The following DNMBP variants were observed in gnomAD, a reference collection of about 807,000 sequenced individuals.
The protein encoded by DNMBP is dynamin-binding protein.
Under a neutral mutation model 150.0 loss-of-function variants are expected in DNMBP, and 87 were observed. The ratio of observed to expected loss-of-function variants is 0.58; its 90% CI spans 0.49 to 0.69. DNMBP has a LOEUF of 0.69. Among genes scored for constraint, DNMBP ranks in the 30% least tolerant of loss-of-function variants. DNMBP has a pLI of 0.00. For missense variants in DNMBP, 1,774 were observed against 1,949.0 expected, an observed-to-expected ratio of 0.91 and a Z score of 1.69; for synonymous variants, 711 against 750.4, an observed-to-expected ratio of 0.95 and a Z score of 0.86.
intron 3 of DNMBP, among the ~76,000 whole-genome samples, chr10:99,966,493 C>T (rs1243125998): frequency 6.6e-6 from 1 of 152,170 alleles, no homozygotes; most frequent in African/African-American, 2.4e-5. Flanking sequence ...TCTCGGATGG[C>T]ATGCTTCCTA....
intron 3 of DNMBP, among the ~76,000 whole-genome samples, chr10:99,966,773 TCGTTAATA>T (rs2040623262): frequency 6.6e-6 from 1 of 151,976 alleles, no homozygotes; most frequent in African/African-American, 2.4e-5. Flanking sequence ...GCGTTTTCTC[TCGTTAATA>T]CGTTTTGTTT....
intron 1 of DNMBP, among the ~76,000 whole-genome samples, chr10:99,978,873 C>A (rs1374064057): frequency 6.6e-6 from 1 of 152,132 alleles, no homozygotes; most frequent in Non-Finnish European, 1.5e-5. Flanking sequence ...CCACGCCTGG[C>A]CAGCAGTTTT....
At chr10:99,922,914 T>C (rs2040039650) in intron 4 of DNMBP, among the ~76,000 whole-genome samples, 1 of 152,208 alleles carries the variant, frequency 6.6e-6, no homozygotes, top group African/African-American at 2.4e-5. Context: ...CCATTTATCT[T>C]CAAACATTTT....
intron 6 of DNMBP, among the ~76,000 whole-genome samples, chr10:99,904,712 C>G (rs1203149844): frequency 1.3e-5 from 2 of 152,190 alleles, no homozygotes; most frequent in African/African-American, 4.8e-5. Context: ...CTCTGTGTGT[C>G]TTCAACACAT....
chr10:99,975,097 T>G (rs1455836828), intron 1 of DNMBP, among the ~76,000 whole-genome samples: 1 of 152,148 alleles, frequency 6.6e-6, no homozygotes, highest in South Asian at 2.1e-4. Flanking sequence ...CGGTGGCTCA[T>G]GCCTGTAATC....
intron 1 of DNMBP, among the ~76,000 whole-genome samples, chr10:99,990,548 C>T (rs1292556096): frequency 1.4e-5 from 2 of 142,678 alleles, no homozygotes; most frequent in Admixed American, 1.4e-4. Context: ...CAGATCCTGT[C>T]TCAAAAAAAA....
chr10:99,976,696 C>T (rs188991116), intron 1 of DNMBP, among the ~76,000 whole-genome samples: 5 of 152,208 alleles, frequency 3.3e-5, no homozygotes, highest in African/African-American at 1.2e-4. Context: ...TGCACTGAGG[C>T]CCCTTTCTTA....
intron 4 of DNMBP, among the ~76,000 whole-genome samples, chr10:99,944,732 C>G (rs542972064): frequency 2.3e-4 from 35 of 152,244 alleles, no homozygotes; most frequent in African/African-American, 7.9e-4. Flanking sequence ...CCCCAACACA[C>G]AGCAATCATA....
chr10:99,917,770 C>G (rs1201846364), intron 4 of DNMBP, among the ~76,000 whole-genome samples: 1 of 151,716 alleles, frequency 6.6e-6, no homozygotes, highest in African/African-American at 2.4e-5. Context: ...TCGAGACCAG[C>G]CTGGCCAACA....
At position 99,877,100 on chromosome 10, in the gene DNMBP, TCGGCGG is replaced by T; in HGVS notation, c.*45_*50del. ...CCCTCTCGGTGGGCCGCCAGAACCC[TCGGCGG>T]ACTGAAAGCAAAGGCAGCAAGGCTG... On this transcript the variant is annotated 3_prime_UTR_variant, in exon 17 of 17. Transcript: ENST00000324109. The T allele has an allele frequency of 7.3e-7, 1 of 1,370,670 alleles. No individual in the cohort carries two copies. Among genetic ancestry groups the T allele is most frequent in the Non-Finnish European group, 9.5e-7 (1 of 1,047,558 alleles). The allele number at this position is 1,370,670 out of a possible 1,614,324, so 84.9% of individuals were successfully genotyped here.
At chr10:99,996,123 T>A (rs1441928078) in intron 1 of DNMBP, among the ~76,000 whole-genome samples, 1 of 152,210 alleles carries the variant, frequency 6.6e-6, no homozygotes, top group Non-Finnish European at 1.5e-5. Flanking sequence ...TGAATAATAA[T>A]TATATTTTAA....
At chr10:99,930,065 T>G in intron 4 of DNMBP, 2 of 702,982 alleles carry the variant, frequency 2.8e-6, no homozygotes, top group Middle Eastern at 4.6e-4. Flanking sequence ...CTTCATGGTA[T>G]TTGATAAATT....
chr10:99,983,269 C>A (rs2040797465), intron 1 of DNMBP, among the ~76,000 whole-genome samples: 1 of 152,162 alleles, frequency 6.6e-6, no homozygotes, highest in African/African-American at 2.4e-5. Flanking sequence ...GAATATCTAA[C>A]CTTAAAAGCA....
At chr10:100,002,422 C>A (rs895980239) in intron 1 of DNMBP, among the ~76,000 whole-genome samples, 1 of 152,108 alleles carries the variant, frequency 6.6e-6, no homozygotes, top group Non-Finnish European at 1.5e-5. Flanking sequence ...GCTCTACTGA[C>A]GAGCCACCTC....
At chr10:99,966,342 G>A (rs1486007982) in intron 3 of DNMBP, among the ~76,000 whole-genome samples, 2 of 152,122 alleles carry the variant, frequency 1.3e-5, no homozygotes. Context: ...CTCTTCCTTT[G>A]GATTCCACTT....
At chr10:99,930,813 G>A (rs774946230) in intron 4 of DNMBP, 1 of 616,230 alleles carries the variant, frequency 1.6e-6, no homozygotes, top group Non-Finnish European at 2.9e-6. Flanking sequence ...CCATGGGCCT[G>A]GGCTGGGCTG....
chr10:100,008,320 A>G (rs1035727589), intron 1 of DNMBP, among the ~76,000 whole-genome samples: 1 of 152,258 alleles, frequency 6.6e-6, no homozygotes, highest in African/African-American at 2.4e-5. Context: ...TGAACACTGT[A>G]TAAAAGTCAA....
intron 3 of DNMBP, among the ~76,000 whole-genome samples, chr10:99,964,672 AC>A (rs2040601074): frequency 6.6e-6 from 1 of 151,298 alleles, no homozygotes; most frequent in African/African-American, 2.4e-5. Context: ...GGAGTTCGAG[AC>A]CAGCTTGGCC....
chr10:99,946,829 G>T (rs2040362247), intron 4 of DNMBP, among the ~76,000 whole-genome samples: 1 of 152,004 alleles, frequency 6.6e-6, no homozygotes, highest in Non-Finnish European at 1.5e-5. Context: ...TGTAAACTAT[G>T]CATCCAACAA....
Sources: allele counts gnomAD v4.1 joint callset (sites outside exome capture counted in the v4.1 genomes callset), GRCh38; gene constraint gnomAD v4.1.1; transcripts MANE v1.5; gene names NCBI Gene and HGNC (gene_info 2026-07-23, HGNC 2026-07-21).